Variants in ASB3 observed in about 807,000 individuals in gnomAD.
The protein encoded by ASB3 is ankyrin repeat and SOCS box containing 3.
A neutral mutation model predicts 54.5 loss-of-function variants in ASB3; 41 were observed. The ratio of observed to expected loss-of-function variants is 0.75; its 90% CI spans 0.59 to 0.98. The LOEUF is 0.98. Ranked by LOEUF, ASB3 falls within the 50% of genes least tolerant of loss-of-function variation. The probability of loss-of-function intolerance (pLI) is 0.00; values close to 1 mark genes in which losing one functional copy is unlikely to be tolerated. For synonymous variants in ASB3, 266 were observed against 221.2 expected (o/e 1.20, Z -1.80); for missense variants, 733 against 620.0 (o/e 1.18, Z -1.94).
At chr2:53,685,852 C>A (rs1229472647) in intron 9 of ASB3, among the ~76,000 whole-genome samples, 1 of 152,206 alleles carries the variant, frequency 6.6e-6, no homozygotes, top group East Asian at 1.9e-4. Context: ...ACAATCTAGT[C>A]CTTCTTTATG....
At chr2:53,706,245 G>A (rs946955069) in intron 7 of ASB3, among the ~76,000 whole-genome samples, 1 of 152,050 alleles carries the variant, frequency 6.6e-6, no homozygotes, top group Non-Finnish European at 1.5e-5. Context: ...CCTCCACAAG[G>A]CATTGAGGAA....
At chr2:53,756,396 G>T (rs560447846) in intron 2 of ASB3, among the ~76,000 whole-genome samples, 5 of 127,064 alleles carry the variant, frequency 3.9e-5, no homozygotes, top group Non-Finnish European at 8.3e-5. Context: ...GATTAACATA[G>T]CATACAATTT....
intron 2 of ASB3, among the ~76,000 whole-genome samples, chr2:53,760,659 G>C (rs1673090098): frequency 6.6e-6 from 1 of 152,120 alleles, no homozygotes; most frequent in South Asian, 2.1e-4. Context: ...CCCTTCACTA[G>C]ACCTTTCACT....
chr2:53,753,075 G>C (rs1023811964), intron 2 of ASB3, among the ~76,000 whole-genome samples: 15 of 151,750 alleles, frequency 9.9e-5, no homozygotes, highest in African/African-American at 3.4e-4. Context: ...GGAGGTAAAA[G>C]GAAGGGTGAT....
intron 1 of ASB3, chr2:53,767,567 G>A (rs558405961): frequency 2.2e-4 from 56 of 256,306 alleles, no homozygotes; most frequent in Middle Eastern, 1.4e-3. Context: ...GCTCCAAAAA[G>A]CATTGTGGGT....
chr2:53,678,135 T>C (rs912790697), intron 9 of ASB3, among the ~76,000 whole-genome samples: 6 of 77,686 alleles, frequency 7.7e-5, no homozygotes, highest in Middle Eastern at 4.5e-3. Flanking sequence ...TATAGTTACC[T>C]TGCTGGTGTG....
intron 8 of ASB3, among the ~76,000 whole-genome samples, chr2:53,697,648 C>A (rs1410566244): frequency 6.6e-6 from 1 of 152,160 alleles, no homozygotes; most frequent in Non-Finnish European, 1.5e-5. Flanking sequence ...AATGGTGGGA[C>A]AGGCATAAGA....
intron 7 of ASB3, among the ~76,000 whole-genome samples, chr2:53,712,722 C>T (rs537106483): frequency 1.3e-5 from 2 of 151,738 alleles, no homozygotes; most frequent in Non-Finnish European, 2.9e-5. Context: ...AGATGAAGGC[C>T]AAAAAAGACC....
chr2:53,734,872 C>CTGTCT (rs931448695), intron 3 of ASB3, among the ~76,000 whole-genome samples: 3 of 150,738 alleles, frequency 2.0e-5, no homozygotes, highest in Non-Finnish European at 4.4e-5. Flanking sequence ...CACCAGGATT[C>CTGTCT]TGTCTTCAAT....
At chr2:53,751,588 A>G (rs1222696450) in intron 2 of ASB3, among the ~76,000 whole-genome samples, 1 of 152,196 alleles carries the variant, frequency 6.6e-6, no homozygotes, top group African/African-American at 2.4e-5. Context: ...TATTTACACA[A>G]TAAAATTCTA....
intron 5 of ASB3, among the ~76,000 whole-genome samples, chr2:53,717,833 T>C (rs1670481983): frequency 6.6e-6 from 1 of 151,964 alleles, no homozygotes; most frequent in African/African-American, 2.4e-5. Flanking sequence ...AAGATAAACA[T>C]CTTAAAAAGG....
In ASB3 at chr2:53,750,960, C is replaced by T. The variant is rs752081124; in HGVS notation, c.197-19G>A. The T allele has an allele frequency of 1.3e-6, 2 of 1,494,060 alleles. No homozygotes were observed. The highest frequency in any genetic ancestry group is 1.5e-5 in the South Asian group (1 of 67,848). 92.6% of individuals were successfully genotyped at this position (1,494,060 alleles called of 1,614,324 possible). On this transcript the variant is annotated intron_variant, in intron 2 of 9. Coordinates refer to ENST00000263634, the MANE Select transcript of ASB3 (RefSeq NM_016115.5). The stretch of plus-strand genomic sequence containing the variant: ...GATGAATCTGTGGAAGAATCAAAGC[C>T]CATCAACTAGAAGGTATTACTTCTA...
chr2:53,776,772 T>A (rs1162670076), intron 1 of ASB3, among the ~76,000 whole-genome samples: 1 of 152,124 alleles, frequency 6.6e-6, no homozygotes, highest in Non-Finnish European at 1.5e-5. Context: ...TGAGCCATGA[T>A]CACACCACTG....
At chr2:53,731,185 A>C (rs1205007525) in intron 3 of ASB3, among the ~76,000 whole-genome samples, 1 of 152,194 alleles carries the variant, frequency 6.6e-6, no homozygotes, top group Non-Finnish European at 1.5e-5. Context: ...GTGGACCACG[A>C]GTTCAGGAGA....
In ASB3 at chr2:53,670,292, A is replaced by AT. The variant is rs757738523; in HGVS notation, c.*210dup. On this transcript the variant is annotated 3_prime_UTR_variant, in exon 10 of 10. Coordinates refer to ENST00000263634, the MANE Select transcript of ASB3 (RefSeq NM_016115.5). Reference sequence around the variant, plus strand: ...TAAAGTAATATAAGTGATGTTTACAATTTTTTTTTTTTTTTTTTTTTTTTT... The same window carrying AT: ...TAAAGTAATATAAGTGATGTTTACAATTTTTTTTTTTTTTTTTTTTTTTTTT... The AT allele has an allele frequency of 0.024, 4,374 of 178,652 alleles. 168 individuals are homozygous for AT. Among genetic ancestry groups the AT allele is most frequent in the African/African-American group, 0.078 (2,575 of 33,066 alleles). The allele number at this position is 178,652 out of a possible 1,614,324, so 11.1% of individuals were successfully genotyped here. A position where few individuals can be genotyped will look rare whatever the true frequency, so the allele number is the denominator to read the frequency against.
chr2:53,704,261 G>A (rs909750448), intron 7 of ASB3, among the ~76,000 whole-genome samples: 2 of 151,278 alleles, frequency 1.3e-5, no homozygotes, highest in Non-Finnish European at 2.9e-5. Context: ...TCAGGAGGCT[G>A]AGGCATGAGA....
chr2:53,712,635 T>C (rs144935543), intron 7 of ASB3, among the ~76,000 whole-genome samples: 128 of 152,238 alleles, frequency 8.4e-4, no homozygotes, highest in African/African-American at 3.0e-3. Flanking sequence ...TAATTCAAAC[T>C]ACACTTATAA....
At chr2:53,684,275 G>A (rs1668525640) in intron 9 of ASB3, among the ~76,000 whole-genome samples, 1 of 152,182 alleles carries the variant, frequency 6.6e-6, no homozygotes, top group South Asian at 2.1e-4. Flanking sequence ...CTACAGAGTG[G>A]TTAGAAGTTC....
intron 3 of ASB3, among the ~76,000 whole-genome samples, chr2:53,748,112 G>C (rs993337230): frequency 6.6e-6 from 1 of 152,176 alleles, no homozygotes; most frequent in Non-Finnish European, 1.5e-5. Flanking sequence ...GAATCACAGT[G>C]AAGATCCAAT....
Sources: allele counts gnomAD v4.1 joint callset (sites outside exome capture counted in the v4.1 genomes callset), GRCh38; gene constraint gnomAD v4.1.1; transcripts MANE v1.5; gene names NCBI Gene and HGNC (gene_info 2026-07-23, HGNC 2026-07-21).